Variants in LAMA2 observed in about 807,000 individuals in gnomAD.
The protein encoded by LAMA2 is laminin subunit alpha 2.
In LAMA2, 269 loss-of-function variants were observed where a neutral mutation model predicts 364.8. The ratio of observed to expected loss-of-function variants is 0.74; its 90% CI spans 0.67 to 0.82. The LOEUF (loss-of-function observed/expected upper bound fraction) is 0.82, where lower values mean the gene tolerates loss of function less well. Ranked by LOEUF, LAMA2 falls within the 40% of genes least tolerant of loss-of-function variation. The pLI, the probability that LAMA2 is intolerant of heterozygous loss-of-function variation, is 0.00. For synonymous variants in LAMA2, 1,379 were observed against 1,370.6 expected (o/e 1.01, Z -0.14); for missense variants, 3,807 against 3,873.2 (o/e 0.98, Z 0.45).
chr6:129,463,045 T>G (rs1032454780), intron 49 of LAMA2, among the ~76,000 whole-genome samples: 7 of 152,026 alleles, frequency 4.6e-5, no homozygotes, highest in African/African-American at 1.7e-4. Context: ...AAAATTCACA[T>G]TAAGATTAAA....
chr6:129,490,806 T>G (rs1308134377), intron 56 of LAMA2: 1 of 152,072 alleles, frequency 6.6e-6, no homozygotes, highest in Non-Finnish European at 1.5e-5. Flanking sequence ...GTATGTCATT[T>G]CCCCCTATTT....
At position 129,492,052 on chromosome 6, in the gene LAMA2, A is replaced by G. The variant is rs2114859891; in HGVS notation, c.8050A>G (p.Ile2684Val). The part of the protein sequence containing the change: ...LRNIPPFEGC[I>V]WNLVINSVPM... The stretch of plus-strand genomic sequence containing the variant: ...AAATATTCCTCCTTTTGAAGGCTGC[A>G]TATGGAATCTTGTTATTAACTCTGT... Residue 2684 changes from isoleucine to valine, a missense_variant, in exon 57 of 65, where the codon ATA (isoleucine) becomes GTA (valine). By Grantham distance (29) the Ile-to-Val change is conservative (BLOSUM62 3). Around this residue, in one of 3 missense-constraint regions of LAMA2, gnomAD observed 3,333 missense variants for 3,345.7 expected, o/e 1.00. Transcript: ENST00000421865. The G allele has an allele frequency of 1.2e-6, 2 of 1,614,024 alleles. No homozygotes were observed. Among genetic ancestry groups the G allele is most frequent in the Non-Finnish European group, 1.7e-6 (2 of 1,179,904 alleles).
At chr6:129,488,946 TC>T (rs34937436) in intron 56 of LAMA2, among the ~76,000 whole-genome samples, 237 of 152,348 alleles carry the variant, frequency 1.6e-3, no homozygotes, top group Middle Eastern at 3.4e-3. Context: ...TAACATCCTT[TC>T]ATCACAGATG....
At chr6:129,257,368 T>G (rs1005811388) in intron 14 of LAMA2, among the ~76,000 whole-genome samples, 4 of 152,116 alleles carry the variant, frequency 2.6e-5, no homozygotes, top group African/African-American at 9.6e-5. Flanking sequence ...GTGTTGAAGT[T>G]TCTCATAGCT....
intron 4 of LAMA2, among the ~76,000 whole-genome samples, chr6:129,131,943 C>T (rs775850981): frequency 1.3e-5 from 2 of 152,150 alleles, no homozygotes; most frequent in African/African-American, 2.4e-5. Flanking sequence ...TTCTCCATCA[C>T]GTTCTTCTGT....
chr6:129,349,492 C>A, intron 31 of LAMA2, 108 bp downstream of exon 31: 2 of 902,734 alleles, frequency 2.2e-6, no homozygotes, highest in South Asian at 1.4e-5. Context: ...ATTTGCATAT[C>A]CTTTAGAAGT....
At chr6:129,323,804 T>C (rs542897236) in intron 28 of LAMA2, among the ~76,000 whole-genome samples, 40 of 152,334 alleles carry the variant, frequency 2.6e-4, no homozygotes, top group Non-Finnish European at 5.3e-4. Flanking sequence ...ATCAGAAATT[T>C]GTCAATGATC....
chr6:129,466,423 C>G (rs1783546328), intron 51 of LAMA2, among the ~76,000 whole-genome samples: 1 of 151,848 alleles, frequency 6.6e-6, no homozygotes, highest in African/African-American at 2.4e-5. Context: ...TGTGTGAAAG[C>G]CTGGAGTCAT....
chr6:128,884,552 C>T (rs1776040442), intron 1 of LAMA2, among the ~76,000 whole-genome samples: 1 of 152,054 alleles, frequency 6.6e-6, no homozygotes, highest in East Asian at 1.9e-4. Flanking sequence ...AGAGATATCC[C>T]AAGCTCTTTC....
At chr6:128,985,713 T>C (rs1275584408) in intron 1 of LAMA2, among the ~76,000 whole-genome samples, 1 of 152,152 alleles carries the variant, frequency 6.6e-6, no homozygotes, top group African/African-American at 2.4e-5. Context: ...CCAACTGTTC[T>C]CCTTTCCCAC....
chr6:128,962,836 A>T (rs184010902), intron 1 of LAMA2, among the ~76,000 whole-genome samples: 1 of 152,208 alleles, frequency 6.6e-6, no homozygotes, highest in Non-Finnish European at 1.5e-5. Context: ...CTCCAAGTTT[A>T]CTGGCTCTAT....
intron 12 of LAMA2, among the ~76,000 whole-genome samples, chr6:129,208,562 AAG>A (rs757804708): frequency 3.8e-5 from 3 of 79,068 alleles, no homozygotes; most frequent in African/African-American, 1.9e-4. Flanking sequence ...GAAAGAAAGA[AAG>A]AGAAAGAAAG....
intron 12 of LAMA2, among the ~76,000 whole-genome samples, chr6:129,195,497 G>A (rs1459611109): frequency 6.6e-6 from 1 of 152,188 alleles, no homozygotes; most frequent in Non-Finnish European, 1.5e-5. Flanking sequence ...TGAGGCCTAG[G>A]AAAACTTAGC....
intron 48 of LAMA2, among the ~76,000 whole-genome samples, chr6:129,459,687 C>T (rs1404168800): frequency 1.3e-5 from 2 of 152,044 alleles, no homozygotes; most frequent in East Asian, 1.9e-4. Flanking sequence ...ATGTCATCAG[C>T]ATGTCCCCTT....
chr6:128,900,954 C>T (rs1266391959), intron 1 of LAMA2, among the ~76,000 whole-genome samples: 3 of 152,130 alleles, frequency 2.0e-5, no homozygotes, highest in Non-Finnish European at 4.4e-5. Flanking sequence ...GAGTTCAAGA[C>T]CAGCTTAGGC....
chr6:129,280,987 A>T (rs1788677025), intron 18 of LAMA2, among the ~76,000 whole-genome samples: 1 of 151,942 alleles, frequency 6.6e-6, no homozygotes, highest in African/African-American at 2.4e-5. Context: ...GGCAGCTATC[A>T]CCCCTGTTTC....
chr6:129,285,940 T>A (rs1789081066), intron 18 of LAMA2, among the ~76,000 whole-genome samples: 1 of 152,172 alleles, frequency 6.6e-6, no homozygotes, highest in Non-Finnish European at 1.5e-5. Context: ...TTAAAAATTA[T>A]GATAAAACAT....
chr6:128,900,088 A>G (rs949816377), intron 1 of LAMA2, among the ~76,000 whole-genome samples: 14 of 152,276 alleles, frequency 9.2e-5, no homozygotes, highest in African/African-American at 3.4e-4. Context: ...GGCCTCTACA[A>G]TATGTCAGAT....
intron 2 of LAMA2, among the ~76,000 whole-genome samples, chr6:129,052,223 C>CCTCCCGGG (rs1261389052): frequency 6.6e-6 from 1 of 150,964 alleles, no homozygotes; most frequent in Non-Finnish European, 1.5e-5. Context: ...GCAAGCTCCG[C>CCTCCCGGG]CTCCCGGGTT....
Sources: gnomAD v4.1 joint callset for allele counts (sites outside exome capture counted in the v4.1 genomes callset) on GRCh38, gnomAD v4.1.1 for gene constraint, gnomAD v4.1.1 regional missense constraint, MANE v1.5 for transcripts, NCBI Gene and HGNC (gene_info 2026-07-23, HGNC 2026-07-21) for gene names.